Variants in TACC2 observed in about 807,000 individuals in gnomAD.
TACC2 encodes the protein transforming acidic coiled-coil containing protein 2, also known as transforming acidic coiled-coil-containing protein 2.
TACC2 carries 137 observed loss-of-function variants against 227.3 expected under a neutral mutation model. The observed-to-expected ratio is 0.60, with a 90% confidence interval of 0.52 to 0.69. The LOEUF is 0.69. Among genes scored for constraint, TACC2 ranks in the 30% least tolerant of loss-of-function variants. TACC2 has a pLI of 0.00. For synonymous variants in TACC2, 1,523 were observed against 1,487.5 expected (o/e 1.02, Z -0.55); for missense variants, 3,470 against 3,694.4 (o/e 0.94, Z 1.57).
chr10:122,023,601 G>T (rs1957594276), intron 2 of TACC2: 1 of 151,906 alleles, frequency 6.6e-6, no homozygotes, highest in Non-Finnish European at 1.5e-5. Context: ...ACGATGAGAA[G>T]ACTTGGACAC....
rs980247617 is a variant in TACC2, at chr10:122,087,744, C to T, written c.5244C>T (p.Asp1748=). Residue 1748 remains aspartate, a synonymous_variant, in exon 4 of 23, where the codon GAC becomes GAT. Transcript: ENST00000369005. The stretch of plus-strand genomic sequence containing the variant: ...TGGTGCTGCCAGGAAGCTGTCAGGA[C>T]CCAGCCTGCTCTGACAAGGCTCCGG... ...GDLVLPGSCQ[D]PACSDKAPGM... 4 of 1,611,420 alleles carry T rather than the reference C, an allele frequency of 2.5e-6. No homozygotes were observed. Among genetic ancestry groups the T allele is most frequent in the Admixed American group, 1.7e-5 (1 of 59,848 alleles).
chr10:122,147,201 G>A (rs1348427117), intron 7 of TACC2, among the ~76,000 whole-genome samples: 1 of 151,892 alleles, frequency 6.6e-6, no homozygotes, highest in African/African-American at 2.4e-5. Context: ...CTGGAGTGCA[G>A]TGGTGCCATC....
At chr10:122,135,771 C>T (rs2089493707) in intron 6 of TACC2, among the ~76,000 whole-genome samples, 1 of 152,202 alleles carries the variant, frequency 6.6e-6, no homozygotes, top group Admixed American at 6.5e-5. Flanking sequence ...GCAGAGCTGC[C>T]CAGCACACAC....
chr10:122,131,197 A>AG (rs1188102069), intron 5 of TACC2, among the ~76,000 whole-genome samples: 1 of 151,764 alleles, frequency 6.6e-6, no homozygotes, highest in Admixed American at 6.6e-5. Context: ...AAAAAAAAAA[A>AG]AAAATCTGAC....
At chr10:122,166,554 C>T (rs372640324) in intron 7 of TACC2, among the ~76,000 whole-genome samples, 1 of 152,148 alleles carries the variant, frequency 6.6e-6, no homozygotes, top group East Asian at 1.9e-4. Flanking sequence ...CTCCCAGGGT[C>T]GGCCACACAT....
chr10:122,210,536 C>T lies in TACC2; in HGVS notation c.6111C>T (p.Asn2037=). 3 of 1,614,190 alleles carry T rather than the reference C, an allele frequency of 1.9e-6. No homozygotes were observed. The highest frequency in any genetic ancestry group is 2.5e-6 in the Non-Finnish European group (3 of 1,180,036). ...DKPIASSGTY[N]LDFDNIELVD... The stretch of plus-strand genomic sequence containing the variant: ...CGATAGCCAGCAGTGGGACTTACAA[C>T]TTGGACTTTGACAACATTGAGCTTG... Residue 2037 remains asparagine (N), a synonymous_variant, in exon 9 of 23, where the codon AAC becomes AAT. Transcript: ENST00000369005. The surrounding 1 kb of genome is among the most constrained non-coding windows in gnomAD (Gnocchi z 4.6).
intron 6 of TACC2, among the ~76,000 whole-genome samples, chr10:122,140,748 G>C (rs1039441903): frequency 6.6e-6 from 1 of 152,228 alleles, no homozygotes; most frequent in Non-Finnish European, 1.5e-5. Context: ...GCAGATGGGA[G>C]CTGACTGGGG....
At chr10:122,032,298 A>T (rs1459328822) in intron 2 of TACC2, among the ~76,000 whole-genome samples, 1 of 152,060 alleles carries the variant, frequency 6.6e-6, no homozygotes, top group Non-Finnish European at 1.5e-5. Flanking sequence ...TCACACCTGG[A>T]TCACTGGGAA....
intron 5 of TACC2, among the ~76,000 whole-genome samples, chr10:122,127,408 T>C (rs10788249): frequency 0.61 from 92,878 of 152,128 alleles, 32,773 homozygotes; most frequent in Non-Finnish European, 0.77. Context: ...ACGTCTTCCT[T>C]TTTGGACAGA....
rs1452193932 is a variant in TACC2, at chr10:122,087,923, T to G, written c.5423T>G (p.Leu1808Arg). 6.6e-7 allele frequency: 1 copy of G among 1,512,026 alleles called. No individual in the cohort carries two copies. Among genetic ancestry groups the G allele is most frequent in the Non-Finnish European group, 8.8e-7 (1 of 1,130,692 alleles). 93.7% of individuals were successfully genotyped at this position (1,512,026 alleles called of 1,614,324 possible). A position where few individuals can be genotyped will look rare whatever the true frequency, so the allele number is the denominator to read the frequency against. Residue 1808 changes from leucine (L) to arginine (R), a missense_variant, in exon 4 of 23, where the codon CTG (leucine) becomes CGG (arginine). Around this residue, in one of 10 missense-constraint regions of TACC2, gnomAD observed 1,924 missense variants for 1,978.3 expected, o/e 0.97. Transcript: ENST00000369005. ...CCTGACGAAACTCACGACCCGAAGC[T>G]GCAACATTTGGCTCCAGAAGAGCTC... is the stretch of plus-strand genomic sequence containing the variant. ...PEPDETHDPK[L>R]QHLAPEELHT...
intron 19 of TACC2, among the ~76,000 whole-genome samples, chr10:122,242,205 G>C (rs749569665): frequency 4.6e-5 from 7 of 152,180 alleles, no homozygotes; most frequent in Non-Finnish European, 1.0e-4. Context: ...CTGTGCCATA[G>C]CATTATTCAC....
At chr10:122,248,978 C>T (rs916095426) in intron 20 of TACC2, 72 bp from the exon 21 acceptor site, 12 of 1,513,604 alleles carry the variant, frequency 7.9e-6, no homozygotes, top group African/African-American at 2.7e-5. Flanking sequence ...TCCGAGAGTT[C>T]CTGGGGTTCC....
In TACC2 at chr10:122,210,175, A is replaced by T; in HGVS notation, c.5972-222A>T. On this transcript the variant is annotated intron_variant, in intron 8 of 22. Transcript: ENST00000369005. The surrounding 1 kb of genome is among the most constrained non-coding windows in gnomAD (Gnocchi z 4.6). ...TCTTTAATCGGTCCTCATGATCCTCATTGTACAGATGAGGGAACTCTGGGC... is the reference window on the plus strand; with the variant it reads ...TCTTTAATCGGTCCTCATGATCCTCTTTGTACAGATGAGGGAACTCTGGGC... 4 of 602,018 alleles carry T rather than the reference A, an allele frequency of 6.6e-6. No homozygotes were observed. The highest frequency in any genetic ancestry group is 1.2e-5 in the Non-Finnish European group (4 of 330,056). 37.3% of individuals were successfully genotyped at this position (602,018 alleles called of 1,614,324 possible).
intron 3 of TACC2, among the ~76,000 whole-genome samples, chr10:122,073,819 A>G (rs1246264412): frequency 3.9e-5 from 6 of 152,034 alleles, no homozygotes; most frequent in Non-Finnish European, 7.4e-5. Flanking sequence ...TTGCTTTGTC[A>G]GCCAGGCTGG....
chr10:122,080,809 G>A (rs141983408), intron 3 of TACC2, among the ~76,000 whole-genome samples: 133 of 152,276 alleles, frequency 8.7e-4, no homozygotes, highest in African/African-American at 3.0e-3. Flanking sequence ...TTTTGGTAGC[G>A]GACATTGAGA....
At chr10:122,196,616 C>T (rs2094574596) in intron 8 of TACC2, among the ~76,000 whole-genome samples, 1 of 152,014 alleles carries the variant, frequency 6.6e-6, no homozygotes, top group East Asian at 1.9e-4. Flanking sequence ...AAAAACTTAC[C>T]CATAATTTTT....
In TACC2 at chr10:122,233,450, T is replaced by C. The variant is rs185832463; in HGVS notation, c.8127+3010T>C. Reference sequence around the variant, plus strand: ...CAAGCTTCAGGAAGGGGGCAAGTCCTAGCAAGAGGCCCCCAGCACGGTTGA... The same window carrying C: ...CAAGCTTCAGGAAGGGGGCAAGTCCCAGCAAGAGGCCCCCAGCACGGTTGA... On this transcript the variant is annotated intron_variant, in intron 16 of 22. Coordinates refer to ENST00000369005, the MANE Select transcript of TACC2 (RefSeq NM_206862.4). Among the ~76,000 whole-genome samples the C allele has an allele frequency of 2.1e-3, 315 of 152,286 alleles. 2 individuals carry two copies. Among genetic ancestry groups the C allele is most frequent in the African/African-American group, 7.5e-3 (311 of 41,552 alleles).
At chr10:122,118,661 G>C (rs2085174444) in intron 5 of TACC2, among the ~76,000 whole-genome samples, 1 of 152,160 alleles carries the variant, frequency 6.6e-6, no homozygotes, top group Non-Finnish European at 1.5e-5. Flanking sequence ...TTTGGAATCA[G>C]GGAAAATCTG....
At chr10:122,063,006 C>G (rs1306378439) in intron 3 of TACC2, among the ~76,000 whole-genome samples, 1 of 152,060 alleles carries the variant, frequency 6.6e-6, no homozygotes, top group Non-Finnish European at 1.5e-5. Flanking sequence ...TGTGGCAGGG[C>G]GGGGACTAGA....
Sources: gnomAD v4.1 joint callset for allele counts (sites outside exome capture counted in the v4.1 genomes callset) on GRCh38, gnomAD v4.1.1 for gene constraint, gnomAD v4.1.1 regional missense constraint, Gnocchi (gnomAD v3.1) non-coding constraint, MANE v1.5 for transcripts, NCBI Gene and HGNC (gene_info 2026-07-23, HGNC 2026-07-21) for gene names.